The following NOS1 variants were observed in gnomAD, a reference collection of about 807,000 sequenced individuals.
The protein encoded by NOS1 is NOS type I.
A neutral mutation model predicts 164.5 loss-of-function variants in NOS1; 51 were observed. The ratio of observed to expected loss-of-function variants is 0.31; its 90% CI spans 0.25 to 0.39. The LOEUF (loss-of-function observed/expected upper bound fraction) is 0.39, where lower values mean the gene tolerates loss of function less well. NOS1 is among the 10% of genes least tolerant of loss of function. The probability of loss-of-function intolerance (pLI) is 1.00; values close to 1 mark genes in which losing one functional copy is unlikely to be tolerated. For synonymous variants in NOS1, 719 were observed against 745.8 expected, an observed-to-expected ratio of 0.96 and a Z score of 0.59; for missense variants, 1,362 against 1,885.6, an observed-to-expected ratio of 0.72 and a Z score of 5.14.
chr12:117,229,830 C>G (rs1243487278), intron 22 of NOS1, among the ~76,000 whole-genome samples: 1 of 152,258 alleles, frequency 6.6e-6, no homozygotes, highest in African/African-American at 2.4e-5. Context: ...CTCAGGTGAT[C>G]CGCCTGCCTT....
At chr12:117,247,944 T>TAA (rs534303027) in intron 17 of NOS1, among the ~76,000 whole-genome samples, 2,872 of 118,150 alleles carry the variant, frequency 0.024, 113 homozygotes, top group African/African-American at 0.082. Context: ...AGACTCCGTC[T>TAA]AAAAAAAAAA....
chr12:117,330,968 C>G lies in NOS1; in HGVS notation c.102G>C (p.Glu34Asp). The G allele has an allele frequency of 3.7e-6, 6 of 1,614,224 alleles. No individual in the cohort carries two copies. The highest frequency in any genetic ancestry group is 5.1e-6 in the Non-Finnish European group (6 of 1,180,038). The change falls in exon 2 of 29, where the codon GAG becomes GAC. Residue 34 changes from glutamate to aspartate, a missense_variant. By Grantham distance (45) the Glu-to-Asp change is conservative. This residue lies in a region of NOS1 where 362 missense variants were observed against 402.0 expected (regional missense o/e 0.90). Coordinates refer to ENST00000317775, the MANE Select transcript of NOS1 (RefSeq NM_000620.5). The surrounding 1 kb of genome is among the most constrained non-coding windows in gnomAD (Gnocchi z 4.6). Reference sequence around the variant, plus strand: ...TGATCACGGGCGGCTTACTGACCCGCTCCTTCACCAGAAATCCCAGGCCCC... The same window carrying G: ...TGATCACGGGCGGCTTACTGACCCGGTCCTTCACCAGAAATCCCAGGCCCC... Reference protein sequence around the residue: ...KVGGLGFLVKERVSKPPVIIS... With the variant: ...KVGGLGFLVKDRVSKPPVIIS...
At chr12:117,298,763 C>A (rs1395285665) in intron 3 of NOS1, among the ~76,000 whole-genome samples, 1 of 152,138 alleles carries the variant, frequency 6.6e-6, no homozygotes, top group African/African-American at 2.4e-5. Flanking sequence ...TCGGAAGGAA[C>A]CAGCACCGCC....
Position 117,208,304 on chromosome 12 carries a change from A to C in NOS1, c.*7005T>G. 1 of 1,289,118 alleles carries C rather than the reference A, an allele frequency of 7.8e-7. No homozygotes were observed. The allele number at this position is 1,289,118 out of a possible 1,614,324, so 79.9% of individuals were successfully genotyped here. A position where few individuals can be genotyped will look rare whatever the true frequency, so the allele number is the denominator to read the frequency against. On this transcript the variant is annotated 3_prime_UTR_variant, in exon 29 of 29. Transcript: ENST00000317775. Reference sequence around the variant, plus strand: ...GCGTGGGGTGGGCGTCAGTCCTTCAAGGAAGGTGCTGGAGCACAGGGACAC... The same window carrying C: ...GCGTGGGGTGGGCGTCAGTCCTTCACGGAAGGTGCTGGAGCACAGGGACAC...
chr12:117,317,362 A>G (rs1192379026), intron 2 of NOS1, among the ~76,000 whole-genome samples: 1 of 150,248 alleles, frequency 6.7e-6, no homozygotes, highest in Non-Finnish European at 1.5e-5. Flanking sequence ...CTTCCCCACT[A>G]CTGGTATTTT....
chr12:117,217,158 T>A (rs1566022309), intron 28 of NOS1, among the ~76,000 whole-genome samples: 1 of 152,072 alleles, frequency 6.6e-6, no homozygotes, highest in African/African-American at 2.4e-5. Flanking sequence ...TCAGTGAAAT[T>A]GTCAAAATCA....
chr12:117,322,774 TCTC>T (rs1875047010), intron 2 of NOS1, among the ~76,000 whole-genome samples: 1 of 85,728 alleles, frequency 1.2e-5, no homozygotes, highest in Non-Finnish European at 2.3e-5. Context: ...TCCTTCCCTC[TCTC>T]CTTCCTTTCT....
Position 117,328,772 on chromosome 12 carries a change from A to C in NOS1, c.725+1573T>G, listed in dbSNP as rs866690640. Among the ~76,000 whole-genome samples the C allele has an allele frequency of 2.6e-5, 4 of 152,286 alleles. No individual in the cohort carries two copies. The South Asian group carries it at 8.3e-4, about 32-fold the overall frequency. On this transcript the variant is annotated intron_variant, in intron 2 of 28. Coordinates refer to ENST00000317775, the MANE Select transcript of NOS1 (RefSeq NM_000620.5). ...CTTTATCTCCTTTACATATATCCCT[A>C]ACAGACGGTCATGCATCGCTTAATG...
In NOS1 at chr12:117,243,253, C is replaced by T; in HGVS notation, c.2962+44G>A. On this transcript the variant is annotated intron_variant, in intron 19 of 28. Transcript: ENST00000317775. The surrounding 1 kb of genome is among the most constrained non-coding windows in gnomAD (Gnocchi z 4.3). ...CTGGAGGTGAGATCACCTGCCTTTC[C>T]CCCATTGTCACGAATACCTCCCTGG... 6.2e-7 allele frequency: 1 copy of T among 1,607,934 alleles called. No homozygotes were observed.
At chr12:117,306,199 C>T (rs1874136996) in intron 3 of NOS1, among the ~76,000 whole-genome samples, 1 of 152,106 alleles carries the variant, frequency 6.6e-6, no homozygotes, top group African/African-American at 2.4e-5. Flanking sequence ...GTCATGCTCC[C>T]AGGAACTCTC....
Position 117,242,688 on chromosome 12 carries a change from T to G in NOS1, c.2980A>C (p.Lys994Gln), listed in dbSNP as rs1226480237. ...AGCCGGGCAGCTGAGACTCGCTTTTTGTGGACATTGGATAGACCTGTGGGG... is the reference window on the plus strand; with the variant it reads ...AGCCGGGCAGCTGAGACTCGCTTTTGGTGGACATTGGATAGACCTGTGGGG... Reference protein sequence around the residue: ...ELTQGLSNVHKKRVSAARLLS... With the variant: ...ELTQGLSNVHQKRVSAARLLS... Residue 994 changes from lysine (K) to glutamine (Q), a missense_variant, in exon 20 of 29, where the codon AAA (lysine) becomes CAA (glutamine). Coordinates refer to ENST00000317775, the MANE Select transcript of NOS1 (RefSeq NM_000620.5). 3 of 1,614,068 alleles carry G rather than the reference T, an allele frequency of 1.9e-6. No homozygotes were observed. The highest frequency in any genetic ancestry group is 1.6e-4 in the Middle Eastern group (1 of 6,084).
chr12:117,216,283 T>G (rs1253912347), intron 28 of NOS1, among the ~76,000 whole-genome samples: 1 of 150,184 alleles, frequency 6.7e-6, no homozygotes, highest in African/African-American at 2.5e-5. Flanking sequence ...CCCAGGTTCA[T>G]GCCATTCTCC....
chr12:117,316,417 C>G (rs575944382), intron 2 of NOS1, among the ~76,000 whole-genome samples: 22 of 152,264 alleles, frequency 1.4e-4, no homozygotes, highest in African/African-American at 5.1e-4. Context: ...CCACGTCCAC[C>G]CTTACCTTTA....
chr12:117,333,556 A>G (rs986360793), intron 1 of NOS1, among the ~76,000 whole-genome samples: 1 of 152,142 alleles, frequency 6.6e-6, no homozygotes, highest in East Asian at 1.9e-4. Context: ...GGGGATAATT[A>G]GCAAGTTCAG....
chr12:117,282,983 CTCT>C (rs1052539445), intron 7 of NOS1, among the ~76,000 whole-genome samples: 6 of 151,394 alleles, frequency 4.0e-5, no homozygotes, highest in Non-Finnish European at 5.9e-5. Flanking sequence ...ATCTCTCCCT[CTCT>C]TCTTCTCTCT....
At chr12:117,308,014 A>C (rs1874240278) in intron 3 of NOS1, among the ~76,000 whole-genome samples, 1 of 151,762 alleles carries the variant, frequency 6.6e-6, no homozygotes, top group Non-Finnish European at 1.5e-5. Flanking sequence ...AATAATAATA[A>C]TAATAGAGAC....
chr12:117,324,105 G>A (rs954938913), intron 2 of NOS1, among the ~76,000 whole-genome samples: 1 of 152,080 alleles, frequency 6.6e-6, no homozygotes, highest in Admixed American at 6.6e-5. Flanking sequence ...CTCACTATGA[G>A]GCTTCTAGGT....
intron 3 of NOS1, among the ~76,000 whole-genome samples, chr12:117,299,831 T>G (rs916098710): frequency 7.9e-5 from 12 of 152,132 alleles, no homozygotes; most frequent in Middle Eastern, 3.4e-3. Flanking sequence ...GGCTGAACTT[T>G]TTAAGCTTTC....
chr12:117,334,372 C>A (rs187014232), intron 1 of NOS1, among the ~76,000 whole-genome samples: 2,951 of 151,870 alleles, frequency 0.019, 42 homozygotes, highest in Middle Eastern at 0.031. Context: ...AGGGAGACAG[C>A]AAGCTCTGGG....
Sources: allele counts gnomAD v4.1 joint callset (sites outside exome capture counted in the v4.1 genomes callset), GRCh38; gene constraint gnomAD v4.1.1; regional missense constraint gnomAD v4.1.1; non-coding constraint Gnocchi (gnomAD v3.1); transcripts MANE v1.5; gene names NCBI Gene and HGNC (gene_info 2026-07-23, HGNC 2026-07-21).